SLC7A8: variants seen among roughly 807,000 people sequenced by gnomAD.
SLC7A8 encodes solute carrier family 7 member 8.
A neutral mutation model predicts 51.2 loss-of-function variants in SLC7A8; 30 were observed. That is an observed-to-expected ratio of 0.59 (90% confidence interval 0.44 to 0.80). The LOEUF (loss-of-function observed/expected upper bound fraction) is 0.80. Among genes scored for constraint, SLC7A8 ranks in the 30% least tolerant of loss-of-function variants. SLC7A8 has a pLI of 0.00. For synonymous variants in SLC7A8, 257 were observed against 275.8 expected, an observed-to-expected ratio of 0.93 and a Z score of 0.67; for missense variants, 612 against 674.4, an observed-to-expected ratio of 0.91 and a Z score of 1.03.
intron 7 of SLC7A8, among the ~76,000 whole-genome samples, chr14:23,134,767 G>T (rs1488692238): frequency 6.6e-6 from 1 of 152,112 alleles, no homozygotes; most frequent in Non-Finnish European, 1.5e-5. Flanking sequence ...TTGTAGATTT[G>T]CATTCAGTGA....
chr14:23,166,396 G>C lies in SLC7A8; in HGVS notation c.296C>G (p.Thr99Ser). ...GTAGTCACCTCCAGATTTGGGGATG[G>C]TGACCCCGAGTTCAGCATAGCAGAG... ...GALCYAELGV[T>S]IPKSGGDYSY... The change falls in exon 2 of 11, where the codon ACC becomes AGC. Residue 99 changes from threonine (T) to serine (S), a missense_variant. Coordinates refer to ENST00000316902, the MANE Select transcript of SLC7A8 (RefSeq NM_012244.4). 2 of 1,614,136 alleles carry C rather than the reference G, an allele frequency of 1.2e-6. No homozygotes were observed. Among genetic ancestry groups the C allele is most frequent in the Non-Finnish European group, 1.7e-6 (2 of 1,180,032 alleles).
chr14:23,137,223 C>A (rs17127010), intron 7 of SLC7A8, among the ~76,000 whole-genome samples: 26 of 152,130 alleles, frequency 1.7e-4, no homozygotes, highest in African/African-American at 6.0e-4. Context: ...CTCGTGGACC[C>A]GCTCGCACTT....
At chr14:23,145,711 A>G (rs2048788326) in intron 3 of SLC7A8, among the ~76,000 whole-genome samples, 1 of 152,086 alleles carries the variant, frequency 6.6e-6, no homozygotes, top group Non-Finnish European at 1.5e-5. Flanking sequence ...CAGTCTACAC[A>G]TTCCACAGCG....
chr14:23,148,289 C>T (rs578041437), intron 3 of SLC7A8, among the ~76,000 whole-genome samples: 14 of 152,140 alleles, frequency 9.2e-5, no homozygotes, highest in South Asian at 4.2e-4. Context: ...AGTGCAATGG[C>T]GCAGTCTCAG....
intron 7 of SLC7A8, among the ~76,000 whole-genome samples, chr14:23,134,232 G>T (rs1018115084): frequency 6.6e-6 from 1 of 151,354 alleles, no homozygotes; most frequent in East Asian, 2.0e-4. Flanking sequence ...TTTAAAAATC[G>T]CAAAATGCAG....
chr14:23,154,998 C>CA (rs33973055), intron 3 of SLC7A8, among the ~76,000 whole-genome samples: 49,757 of 89,702 alleles, frequency 0.55, 14,230 homozygotes, highest in East Asian at 0.76. Context: ...ACACAACAGA[C>CA]AAAAAAAAAA....
chr14:23,166,573 C>G (rs1459357430), intron 1 of SLC7A8, 33 bp from the exon 2 acceptor site: 5 of 1,610,518 alleles, frequency 3.1e-6, no homozygotes, highest in South Asian at 1.1e-5. Context: ...GGAGGGGAGA[C>G]AGTAGAGACA....
intron 6 of SLC7A8, chr14:23,138,247 T>C (rs1302615225): frequency 1.9e-6 from 1 of 527,180 alleles, no homozygotes; most frequent in East Asian, 3.1e-5. Context: ...ACACTGGTAA[T>C]AATAATAATG....
intron 3 of SLC7A8, among the ~76,000 whole-genome samples, chr14:23,162,599 T>A (rs28479223): frequency 0.25 from 37,937 of 152,074 alleles, 7,322 homozygotes; most frequent in African/African-American, 0.53. Flanking sequence ...GCTTGGTCCT[T>A]GCAGTGTCTA....
In SLC7A8 at chr14:23,182,940, A is replaced by G. The variant is rs1442347387; in HGVS notation, c.-26T>C. 1 of 1,613,940 alleles carries G rather than the reference A, an allele frequency of 6.2e-7. No individual in the cohort carries two copies. The highest frequency in any genetic ancestry group is 1.3e-5 in the African/African-American group (1 of 74,892). On this transcript the variant is annotated 5_prime_UTR_variant, in exon 1 of 11. Coordinates refer to ENST00000316902, the MANE Select transcript of SLC7A8 (RefSeq NM_012244.4). The stretch of plus-strand genomic sequence containing the variant: ...CCTTCTCAGTAGGATTGCAACCTCA[A>G]AAGCTGCCTCCCTTTCTAAATGCGT...
chr14:23,136,354 C>T (rs532182641), intron 7 of SLC7A8, among the ~76,000 whole-genome samples: 10 of 152,334 alleles, frequency 6.6e-5, no homozygotes, highest in African/African-American at 1.2e-4. Context: ...CCTGCACTCA[C>T]GTCCCCCCTC....
At chr14:23,137,719 C>T (rs541750804) in intron 7 of SLC7A8, among the ~76,000 whole-genome samples, 10 of 152,250 alleles carry the variant, frequency 6.6e-5, no homozygotes, top group Admixed American at 2.0e-4. Flanking sequence ...CCACACACAT[C>T]GCAGGTGACC....
At chr14:23,144,371 A>C (rs2048772234) in intron 3 of SLC7A8, among the ~76,000 whole-genome samples, 4 of 120,688 alleles carry the variant, frequency 3.3e-5, no homozygotes, top group Admixed American at 3.0e-4. Context: ...TTTGGCTAAT[A>C]GGCATGTAGT....
intron 8 of SLC7A8, among the ~76,000 whole-genome samples, chr14:23,130,984 C>T (rs1056516585): frequency 2.6e-5 from 4 of 152,140 alleles, no homozygotes; most frequent in African/African-American, 4.8e-5. Flanking sequence ...TATTATTTTT[C>T]GTATTTGGTG....
In SLC7A8 at chr14:23,128,188, C is replaced by G. The variant is rs1484648451; in HGVS notation, c.1272G>C (p.Leu424=). Reference sequence around the variant, plus strand: ...ACAGCAAGTAGATGATGGGGAACAGCAGGTTGATCTGTGGAGCAGAGGCAT... The same window carrying G: ...ACAGCAAGTAGATGATGGGGAACAGGAGGTTGATCTGTGGAGCAGAGGCAT... ...PDIPRPIKIN[L]LFPIIYLLFW... The change falls in exon 10 of 11, where the codon CTG becomes CTC. Residue 424 remains leucine (L), a synonymous_variant. Coordinates refer to ENST00000316902, the MANE Select transcript of SLC7A8 (RefSeq NM_012244.4). The surrounding 1 kb of genome is among the most constrained non-coding windows in gnomAD (Gnocchi z 4.3). 7 of 1,613,946 alleles carry G rather than the reference C, an allele frequency of 4.3e-6. No homozygotes were observed. Among genetic ancestry groups the G allele is most frequent in the Non-Finnish European group, 5.9e-6 (7 of 1,179,964 alleles).
chr14:23,161,443 G>T (rs940020240), intron 3 of SLC7A8, among the ~76,000 whole-genome samples: 1 of 151,940 alleles, frequency 6.6e-6, no homozygotes, highest in African/African-American at 2.4e-5. Context: ...CCACAGGACA[G>T]CAGGAAGCAG....
At chr14:23,151,051 C>A (rs59802055) in intron 3 of SLC7A8, among the ~76,000 whole-genome samples, 15,195 of 152,160 alleles carry the variant, frequency 0.1, 1,804 homozygotes, top group African/African-American at 0.28. Context: ...ACCACCAGGT[C>A]TTATAAGTCA....
Position 23,164,720 on chromosome 14 carries a change from G to A in SLC7A8, c.508+565C>T, listed in dbSNP as rs115850979. Among the ~76,000 whole-genome samples the A allele has an allele frequency of 9.8e-3, 1,496 of 152,234 alleles. 33 individuals are homozygous for A. The highest frequency in any genetic ancestry group is 0.034 in the African/African-American group (1,398 of 41,520). ...GGGAAAAGAAAAGGAGGCAGGGTGA[G>A]GTGGGTCAGGCCTGTAATCCCAGCA... On this transcript the variant is annotated intron_variant, in intron 3 of 10. Transcript: ENST00000316902.
chr14:23,162,404 A>T (rs75186278), intron 3 of SLC7A8, among the ~76,000 whole-genome samples: 5,954 of 152,324 alleles, frequency 0.039, 447 homozygotes, highest in African/African-American at 0.14. Context: ...TATTTCAAGG[A>T]CATTGAAAAT....
Sources: allele counts gnomAD v4.1 joint callset (sites outside exome capture counted in the v4.1 genomes callset), GRCh38; gene constraint gnomAD v4.1.1; non-coding constraint Gnocchi (gnomAD v3.1); transcripts MANE v1.5; gene names NCBI Gene and HGNC (gene_info 2026-07-23, HGNC 2026-07-21).